LARGE1: variants seen among roughly 807,000 people sequenced by gnomAD.
LARGE1 encodes the protein LARGE xylosyl- and glucuronyltransferase 1.
In LARGE1, 43 loss-of-function variants were observed where a neutral mutation model predicts 87.6. The observed-to-expected ratio is 0.49, with a 90% CI of 0.38 to 0.63. The LOEUF (loss-of-function observed/expected upper bound fraction) is 0.63, where lower values mean the gene tolerates loss of function less well. LARGE1 is among the 30% of genes least tolerant of loss of function. The probability of loss-of-function intolerance (pLI) is 0.00; values close to 1 mark genes in which losing one functional copy is unlikely to be tolerated. For missense variants in LARGE1, 802 were observed against 1,000.2 expected, an observed-to-expected ratio of 0.80 and a Z score of 2.67; for synonymous variants, 434 against 394.6, an observed-to-expected ratio of 1.10 and a Z score of -1.18.
chr22:33,765,862 C>A (rs949552473), intron 1 of LARGE1, among the ~76,000 whole-genome samples: 10 of 152,110 alleles, frequency 6.6e-5, no homozygotes, highest in Non-Finnish European at 1.2e-4. Flanking sequence ...TTTCCTCTCT[C>A]CATCTGCAGA....
At chr22:33,503,303 T>A (rs1193798194) in intron 6 of LARGE1, among the ~76,000 whole-genome samples, 1 of 147,860 alleles carries the variant, frequency 6.8e-6, no homozygotes, top group African/African-American at 2.5e-5. Context: ...GTTGCCCAGG[T>A]TGGAGTGCAG....
At chr22:33,918,335 CCT>C (rs1286200531) in intron 1 of LARGE1, among the ~76,000 whole-genome samples, 1 of 152,180 alleles carries the variant, frequency 6.6e-6, no homozygotes, top group Non-Finnish European at 1.5e-5. Flanking sequence ...CCGTTAAAAA[CCT>C]CTCTCTCCTG....
chr22:33,125,607 C>T, the LARGE1 span, among the ~76,000 whole-genome samples: 32 of 152,044 alleles, frequency 2.1e-4, no homozygotes, highest in East Asian at 2.1e-3. Context: ...TCACCATGTC[C>T]GGCTAATTTT....
At chr22:33,396,894 C>A (rs1299766956) in intron 7 of LARGE1, among the ~76,000 whole-genome samples, 1 of 152,132 alleles carries the variant, frequency 6.6e-6, no homozygotes, top group Non-Finnish European at 1.5e-5. Context: ...CAAATACTTT[C>A]AACAAAAACT....
intron 1 of LARGE1, among the ~76,000 whole-genome samples, chr22:33,824,502 C>T (rs555996591): frequency 6.6e-6 from 1 of 152,000 alleles, no homozygotes; most frequent in Non-Finnish European, 1.5e-5. Flanking sequence ...TCCCTCCAAG[C>T]CCCTCCTCCA....
chr22:33,396,794 A>C (rs1199039654), intron 7 of LARGE1, among the ~76,000 whole-genome samples: 4 of 152,178 alleles, frequency 2.6e-5, no homozygotes, highest in African/African-American at 4.8e-5. Context: ...TTAGACAACA[A>C]CACTTCACTC....
At chr22:33,501,442 C>T (rs573284192) in intron 6 of LARGE1, among the ~76,000 whole-genome samples, 11 of 152,074 alleles carry the variant, frequency 7.2e-5, no homozygotes, top group African/African-American at 1.9e-4. Context: ...CAGTAGCTGG[C>T]GGTGGCCACA....
At chr22:33,528,130 C>CGG (rs367671001) in intron 6 of LARGE1, among the ~76,000 whole-genome samples, 2 of 13,750 alleles carry the variant, frequency 1.5e-4, no homozygotes, top group African/African-American at 3.2e-4. Flanking sequence ...TGGCAGAGGT[C>CGG]GGGGGGGGCG....
chr22:33,481,168 C>A (rs147457835), intron 6 of LARGE1, among the ~76,000 whole-genome samples: 1 of 150,628 alleles, frequency 6.6e-6, no homozygotes, highest in Non-Finnish European at 1.5e-5. Context: ...CTTCTTCCAG[C>A]AAGGAGAAGT....
chr22:33,490,667 C>A (rs1038092058), intron 6 of LARGE1, among the ~76,000 whole-genome samples: 1 of 152,160 alleles, frequency 6.6e-6, no homozygotes, highest in Non-Finnish European at 1.5e-5. Context: ...TACAGCTTCC[C>A]GGCTCACTAA....
chr22:33,421,910 C>G (rs1178744574), intron 7 of LARGE1, among the ~76,000 whole-genome samples: 1 of 152,218 alleles, frequency 6.6e-6, no homozygotes, highest in Non-Finnish European at 1.5e-5. Flanking sequence ...AAAGAAGATT[C>G]TGGATCAGGA....
intron 7 of LARGE1, among the ~76,000 whole-genome samples, chr22:33,413,811 C>T (rs1410139243): frequency 6.6e-6 from 1 of 152,164 alleles, no homozygotes; most frequent in African/African-American, 2.4e-5. Flanking sequence ...GAACACAAGG[C>T]ATAGTGAGCC....
At chr22:33,246,193 A>C (rs1926749341) in intron 11 of LARGE1, among the ~76,000 whole-genome samples, 1 of 152,178 alleles carries the variant, frequency 6.6e-6, no homozygotes, top group Non-Finnish European at 1.5e-5. Context: ...TTTATGTTCA[A>C]GTGTAGAAGA....
At chr22:33,365,081 G>C (rs1440556262) in intron 9 of LARGE1, among the ~76,000 whole-genome samples, 1 of 152,044 alleles carries the variant, frequency 6.6e-6, no homozygotes, top group Non-Finnish European at 1.5e-5. Flanking sequence ...AAAAAGACTT[G>C]AGAGTTTAGA....
chr22:33,354,672 A>AT (rs1403657097), intron 9 of LARGE1, among the ~76,000 whole-genome samples: 1 of 152,224 alleles, frequency 6.6e-6, no homozygotes, highest in Non-Finnish European at 1.5e-5. Flanking sequence ...TGCTACAAAT[A>AT]TTTTTGTATG....
At chr22:33,883,843 A>T (rs772456242) in intron 1 of LARGE1, among the ~76,000 whole-genome samples, 11 of 152,078 alleles carry the variant, frequency 7.2e-5, no homozygotes, top group Non-Finnish European at 1.2e-4. Flanking sequence ...TCCTGCCAAC[A>T]CACACACTCC....
intron 6 of LARGE1, among the ~76,000 whole-genome samples, chr22:33,498,706 TCA>T (rs1234886453): frequency 4.6e-5 from 7 of 152,278 alleles, no homozygotes; most frequent in Admixed American, 3.3e-4. Flanking sequence ...GCGCGGGGGC[TCA>T]CACCTGTAAT....
intron 5 of LARGE1, among the ~76,000 whole-genome samples, chr22:33,578,188 C>A (rs543529737): frequency 6.6e-6 from 1 of 152,164 alleles, no homozygotes; most frequent in South Asian, 2.1e-4. Flanking sequence ...GGCTGTCTAA[C>A]CTTTCTAGAT....
At chr22:33,251,010 T>G (rs950699134) in intron 11 of LARGE1, among the ~76,000 whole-genome samples, 1 of 152,206 alleles carries the variant, frequency 6.6e-6, no homozygotes, top group Non-Finnish European at 1.5e-5. Context: ...GCTTGCCTCA[T>G]AGAATGATGT....
Sources: gnomAD v4.1 joint callset for allele counts (sites outside exome capture counted in the v4.1 genomes callset) on GRCh38, gnomAD v4.1.1 for gene constraint, MANE v1.5 for transcripts, NCBI Gene and HGNC (gene_info 2026-07-23, HGNC 2026-07-21) for gene names.